The following ANGPT1 variants were observed in gnomAD, a reference collection of about 807,000 sequenced individuals.
ANGPT1 encodes angiopoietin 1, also known as angiopoietin-1.
ANGPT1 carries 17 observed loss-of-function variants against 62.2 expected under a neutral mutation model. The observed-to-expected ratio is 0.27, with a 90% CI of 0.19 to 0.41. The LOEUF (loss-of-function observed/expected upper bound fraction) is 0.41. Among genes scored for constraint, ANGPT1 ranks in the 10% least tolerant of loss-of-function variants. The pLI, the probability that ANGPT1 is intolerant of heterozygous loss-of-function variation, is 1.00. For missense variants in ANGPT1, 478 were observed against 594.9 expected (o/e 0.80, Z 2.04); for synonymous variants, 199 against 198.9 (o/e 1.00, Z 0.00).
chr8:107,401,882 G>A (rs564942129), intron 1 of ANGPT1, among the ~76,000 whole-genome samples: 2 of 152,152 alleles, frequency 1.3e-5, no homozygotes, highest in South Asian at 4.2e-4. Flanking sequence ...AGGAATTCAC[G>A]ATCAGTGCTC....
chr8:107,349,811 G>A (rs771569001), intron 1 of ANGPT1, among the ~76,000 whole-genome samples: 23 of 152,106 alleles, frequency 1.5e-4, no homozygotes, highest in Non-Finnish European at 3.2e-4. Flanking sequence ...AAGCTTGAGT[G>A]TTCATCAAAA....
rs114171382 is a variant in ANGPT1, at chr8:107,354,349, G to A, written c.298-7252C>T. Reference sequence around the variant, plus strand: ...GAAAGCACATTCAGCCAGGAGTCAGGATATCTGGATTTTAATCCAGGTACT... The same window carrying A: ...GAAAGCACATTCAGCCAGGAGTCAGAATATCTGGATTTTAATCCAGGTACT... On this transcript the variant is annotated intron_variant, in intron 1 of 8. Transcript: ENST00000517746. Among the ~76,000 whole-genome samples, 586 of 152,100 alleles carry A rather than the reference G, an allele frequency of 3.9e-3. 6 individuals are homozygous for A. The highest frequency in any genetic ancestry group is 0.014 in the African/African-American group (564 of 41,484).
At chr8:107,276,329 G>T (rs1031636214) in intron 7 of ANGPT1, among the ~76,000 whole-genome samples, 3 of 152,118 alleles carry the variant, frequency 2.0e-5, no homozygotes, top group Non-Finnish European at 4.4e-5. Flanking sequence ...GAAACTGCCA[G>T]GAGATTTCCT....
At chr8:107,302,763 T>G (rs1466173985) in intron 5 of ANGPT1, among the ~76,000 whole-genome samples, 8 of 151,938 alleles carry the variant, frequency 5.3e-5, no homozygotes, top group Non-Finnish European at 8.8e-5. Flanking sequence ...GAAAGCAAAT[T>G]CTTTCAAGAT....
At chr8:107,415,431 A>T (rs1194476418) in intron 1 of ANGPT1, among the ~76,000 whole-genome samples, 3 of 152,176 alleles carry the variant, frequency 2.0e-5, no homozygotes, top group Admixed American at 1.3e-4. Flanking sequence ...TTCAAAGACC[A>T]TACTCAAGTT....
At chr8:107,442,744 G>A (rs1811516158) in intron 1 of ANGPT1, among the ~76,000 whole-genome samples, 1 of 152,174 alleles carries the variant, frequency 6.6e-6, no homozygotes, top group African/African-American at 2.4e-5. Flanking sequence ...AGACACACAT[G>A]TGCACACACA....
intron 1 of ANGPT1, among the ~76,000 whole-genome samples, chr8:107,415,818 C>T (rs1160506421): frequency 1.3e-5 from 2 of 152,212 alleles, no homozygotes; most frequent in East Asian, 1.9e-4. Flanking sequence ...CCAACCTTTC[C>T]CTATATCCAG....
At chr8:107,368,949 C>G (rs1347887881) in intron 1 of ANGPT1, among the ~76,000 whole-genome samples, 2 of 142,120 alleles carry the variant, frequency 1.4e-5, no homozygotes, top group Non-Finnish European at 3.1e-5. Flanking sequence ...TAAGTATTGT[C>G]TTCAACTTAA....
chr8:107,496,909 T>C (rs1290424978), intron 1 of ANGPT1, among the ~76,000 whole-genome samples: 1 of 152,254 alleles, frequency 6.6e-6, no homozygotes, highest in Non-Finnish European at 1.5e-5. Flanking sequence ...TTGTCATTAT[T>C]ATTTATTTTT....
At chr8:107,341,166 T>C (rs1030951257) in intron 2 of ANGPT1, among the ~76,000 whole-genome samples, 9 of 152,130 alleles carry the variant, frequency 5.9e-5, no homozygotes, top group African/African-American at 2.2e-4. Context: ...GGCATATGTG[T>C]CTCCTGAAGA....
At chr8:107,268,480 G>T (rs1208478728) in intron 7 of ANGPT1, among the ~76,000 whole-genome samples, 4 of 149,512 alleles carry the variant, frequency 2.7e-5, no homozygotes, top group Non-Finnish European at 4.4e-5. Flanking sequence ...TATCTTTCCA[G>T]TTTTGTTTTT....
chr8:107,377,923 GA>G (rs34583794), intron 1 of ANGPT1, among the ~76,000 whole-genome samples: 3 of 65,376 alleles, frequency 4.6e-5, no homozygotes, highest in African/African-American at 1.1e-4. Context: ...ATATTGTCAT[GA>G]AAAAAAAACA....
chr8:107,494,825 A>G (rs1351811185), intron 1 of ANGPT1: 1 of 152,124 alleles, frequency 6.6e-6, no homozygotes, highest in Non-Finnish European at 1.5e-5. Context: ...CTGCCTCAAA[A>G]CCTTTCCTGA....
chr8:107,460,296 GC>G (rs1283480800), intron 1 of ANGPT1, among the ~76,000 whole-genome samples: 1 of 152,136 alleles, frequency 6.6e-6, no homozygotes, highest in Non-Finnish European at 1.5e-5. Flanking sequence ...GTAGGGATCA[GC>G]TACAGGTGGG....
intron 1 of ANGPT1, among the ~76,000 whole-genome samples, chr8:107,456,697 G>T (rs1811928468): frequency 6.6e-6 from 1 of 151,948 alleles, no homozygotes. Context: ...TACTTTAGTG[G>T]CATTTTTCTA....
At chr8:107,403,836 T>TG (rs1240500438) in intron 1 of ANGPT1, among the ~76,000 whole-genome samples, 7 of 152,102 alleles carry the variant, frequency 4.6e-5, no homozygotes, top group Non-Finnish European at 8.8e-5. Flanking sequence ...AGTTGAGTAG[T>TG]GAAAAAATGA....
Position 107,341,235 on chromosome 8 carries a change from A to G in ANGPT1, c.454-4964T>C, listed in dbSNP as rs114360650. Among the ~76,000 whole-genome samples, 817 of 152,336 alleles carry G rather than the reference A, an allele frequency of 5.4e-3. 10 individuals are homozygous for G. The highest frequency in any genetic ancestry group is 0.019 in the African/African-American group (782 of 41,574). On this transcript the variant is annotated intron_variant, in intron 2 of 8. Coordinates refer to ENST00000517746, the MANE Select transcript of ANGPT1 (RefSeq NM_001146.5). ...ACACCTCTGCCACAATATTCCATTCAACCTAAACCAGTCTTTAGACTCAAC... is the reference window on the plus strand; with the variant it reads ...ACACCTCTGCCACAATATTCCATTCGACCTAAACCAGTCTTTAGACTCAAC...
At chr8:107,309,665 T>A (rs1814802761) in intron 4 of ANGPT1, among the ~76,000 whole-genome samples, 1 of 152,194 alleles carries the variant, frequency 6.6e-6, no homozygotes, top group Non-Finnish European at 1.5e-5. Context: ...TACAAATATA[T>A]ATAGCTACAC....
intron 3 of ANGPT1, among the ~76,000 whole-genome samples, chr8:107,326,512 T>C (rs1815292476): frequency 6.6e-6 from 1 of 152,078 alleles, no homozygotes; most frequent in Admixed American, 6.6e-5. Context: ...CCTTTTTTCA[T>C]CTTCTCTTCA....
Sources: allele counts gnomAD v4.1 joint callset (sites outside exome capture counted in the v4.1 genomes callset), GRCh38; gene constraint gnomAD v4.1.1; transcripts MANE v1.5; gene names NCBI Gene and HGNC (gene_info 2026-07-23, HGNC 2026-07-21).